Variants in CENPI observed in about 807,000 individuals in gnomAD.
CENPI encodes FSH primary response 1.
Under a neutral mutation model 60.4 loss-of-function variants are expected in CENPI, and 4 were observed. The ratio of observed to expected loss-of-function variants is 0.07; its 90% confidence interval spans 0.03 to 0.15. The LOEUF (loss-of-function observed/expected upper bound fraction) is 0.15, where lower values mean the gene tolerates loss of function less well. Among genes scored for constraint, CENPI ranks in the 10% least tolerant of loss-of-function variants. The pLI is 1.00. For synonymous variants in CENPI, 157 were observed against 189.4 expected, an observed-to-expected ratio of 0.83 and a Z score of 1.40; for missense variants, 444 against 534.5, an observed-to-expected ratio of 0.83 and a Z score of 1.67.
At chrX:101,126,910 G>T in intron 9 of CENPI, 112 bp downstream of exon 9, 1 of 744,614 alleles carries the variant, frequency 1.3e-6, no homozygotes, top group Non-Finnish European at 2.0e-6. Flanking sequence ...TTACTGTCTA[G>T]TATTGTGGTA....
chrX:101,129,297 A>G (rs1466555596), intron 12 of CENPI, among the ~76,000 whole-genome samples: 1 of 111,768 alleles, frequency 8.9e-6, no homozygotes, highest in Non-Finnish European at 1.9e-5. Context: ...TGTCATTAGA[A>G]GATTTCTTAA....
chrX:101,175,089 G>A, the CENPI span, among the ~76,000 whole-genome samples: 4 of 111,485 alleles, frequency 3.6e-5, no homozygotes, highest in South Asian at 7.4e-4. Context: ...CCTGGGCAAC[G>A]GGCAAAACTC....
chrX:101,105,605 C>T (rs867145223), intron 4 of CENPI, among the ~76,000 whole-genome samples: 2 of 111,365 alleles, frequency 1.8e-5, no homozygotes, highest in Admixed American at 9.6e-5. Flanking sequence ...GACAGAGTCT[C>T]GCTGTGTTGT....
At chrX:101,168,521 G>A (rs1292953463), downstream of CENPI, among the ~76,000 whole-genome samples, 1 of 111,506 alleles carries the variant, frequency 9.0e-6, no homozygotes, top group Non-Finnish European at 1.9e-5. Flanking sequence ...AGCCGAGATC[G>A]CCCACTGCAC....
At position 101,162,829 on chromosome X, in the gene CENPI, G is replaced by A; in HGVS notation, c.2137-4G>A. The A allele has an allele frequency of 8.3e-7, 1 of 1,209,577 alleles. No individual in the cohort carries two copies. Among genetic ancestry groups the A allele is most frequent in the Non-Finnish European group, 1.1e-6 (1 of 894,072 alleles). Reference sequence around the variant, plus strand: ...AAGTAATTTTCCTTTTTCTGTGCCTGCAGGGAAAGAAATGGAGCTGGTATT... The same window carrying A: ...AAGTAATTTTCCTTTTTCTGTGCCTACAGGGAAAGAAATGGAGCTGGTATT... On this transcript the variant is annotated splice_polypyrimidine_tract_variant and splice_region_variant and intron_variant, in intron 21 of 21. Transcript: ENST00000682095.
At chrX:101,151,648 A>G (rs893775198) in intron 20 of CENPI, among the ~76,000 whole-genome samples, 5 of 110,061 alleles carry the variant, frequency 4.5e-5, no homozygotes, top group African/African-American at 1.3e-4. Context: ...CCTGGCCAAC[A>G]TGGGGAAAGC....
rs142018507 is a variant in CENPI, at chrX:101,165,071, A to G, written c.*2104A>G. ...ACTTACTTGGCATGTTTGAGGAATA[A>G]CAAAGAGGCCAGTAAGGTTACAGCA... On this transcript the variant is annotated 3_prime_UTR_variant, in exon 22 of 22. Transcript: ENST00000682095. Among the ~76,000 whole-genome samples the G allele has an allele frequency of 1.3e-3, 147 of 112,445 alleles. 3 individuals are homozygous for G. The East Asian group carries it at 0.03, about 23-fold the overall frequency.
At chrX:101,149,507 CTT>C (rs1378131346) in intron 20 of CENPI, among the ~76,000 whole-genome samples, 20 of 92,958 alleles carry the variant, frequency 2.2e-4, no homozygotes, top group East Asian at 9.9e-4. Flanking sequence ...GGTGCTTCTT[CTT>C]TTTTTTTTTT....
intron 20 of CENPI, among the ~76,000 whole-genome samples, chrX:101,159,480 C>T (rs763366202): frequency 2.8e-4 from 30 of 105,506 alleles, no homozygotes; most frequent in Non-Finnish European, 4.7e-4. Context: ...CTTTGTGAGA[C>T]GGAGTTTTGC....
the CENPI span, among the ~76,000 whole-genome samples, chrX:101,175,333 A>C: frequency 8.9e-6 from 1 of 111,836 alleles, no homozygotes; most frequent in East Asian, 2.8e-4. Flanking sequence ...TAGATCTACC[A>C]CCTACCCCTG....
intron 15 of CENPI, among the ~76,000 whole-genome samples, chrX:101,134,279 A>T (rs1602813800): frequency 9.0e-6 from 1 of 111,502 alleles, no homozygotes; most frequent in Non-Finnish European, 1.9e-5. Flanking sequence ...TGGGGAGAGG[A>T]TGCATGGATA....
chrX:101,132,105 T>C, intron 13 of CENPI, 85 bp from the exon 14 acceptor site: 2 of 652,917 alleles, frequency 3.1e-6, no homozygotes, highest in South Asian at 5.4e-5. Flanking sequence ...GAAGCAACTA[T>C]AGCACAAAAT....
chrX:101,135,756 T>A (rs945771634), intron 15 of CENPI, among the ~76,000 whole-genome samples: 2 of 111,863 alleles, frequency 1.8e-5, no homozygotes, highest in Non-Finnish European at 3.8e-5. Flanking sequence ...AGTCTCGCTC[T>A]GTCGCCCAGG....
chrX:101,134,949 G>T (rs2089831322), intron 15 of CENPI, among the ~76,000 whole-genome samples: 1 of 110,016 alleles, frequency 9.1e-6, no homozygotes, highest in Non-Finnish European at 1.9e-5. Context: ...GGGAGGTGGA[G>T]GTTGCAGTGA....
At chrX:101,150,117 T>C (rs986374514) in intron 20 of CENPI, among the ~76,000 whole-genome samples, 2 of 109,130 alleles carry the variant, frequency 1.8e-5, no homozygotes, top group African/African-American at 6.7e-5. Context: ...CTGATATTTC[T>C]TGTCTTTTTC....
chrX:101,178,997 T>G, the CENPI span, among the ~76,000 whole-genome samples: 26,622 of 111,607 alleles, frequency 0.24, 2,317 homozygotes, highest in South Asian at 0.33. Context: ...TTTACTACTT[T>G]TTCTTATTCT....
chrX:101,139,829 T>G (rs777279376), intron 15 of CENPI, among the ~76,000 whole-genome samples: 9 of 89,426 alleles, frequency 1.0e-4, no homozygotes, highest in Admixed American at 9.5e-4. Context: ...TGTTTTTTTT[T>G]TTTTGTTTTT....
chrX:101,115,109 C>T (rs1387710146), intron 6 of CENPI, among the ~76,000 whole-genome samples: 1 of 107,119 alleles, frequency 9.3e-6, no homozygotes, highest in African/African-American at 3.4e-5. Context: ...GATTACAGGC[C>T]TGCACCACCA....
chrX:101,156,998 TTTTC>T (rs2148256040), intron 20 of CENPI, among the ~76,000 whole-genome samples: 1 of 111,381 alleles, frequency 9.0e-6, no homozygotes, highest in South Asian at 3.8e-4. Flanking sequence ...TAATGACTTC[TTTTC>T]CTCTGGGTAG....
Sources: allele counts gnomAD v4.1 joint callset (sites outside exome capture counted in the v4.1 genomes callset), GRCh38; gene constraint gnomAD v4.1.1; transcripts MANE v1.5; gene names NCBI Gene and HGNC (gene_info 2026-07-23, HGNC 2026-07-21).